Variants in AGPAT1 observed in about 807,000 individuals in gnomAD.
AGPAT1 encodes 1-acyl-sn-glycerol-3-phosphate acyltransferase alpha.
A neutral mutation model predicts 31.2 loss-of-function variants in AGPAT1; 6 were observed. The ratio of observed to expected loss-of-function variants is 0.19; its 90% CI spans 0.11 to 0.38. The LOEUF (loss-of-function observed/expected upper bound fraction) is 0.38. Among genes scored for constraint, AGPAT1 ranks in the 10% least tolerant of loss-of-function variants. The pLI is 1.00. For missense variants in AGPAT1, 187 were observed against 377.8 expected (o/e 0.49, Z 4.19); for synonymous variants, 139 against 154.0 (o/e 0.90, Z 0.72).
rs1216290963 is a variant in AGPAT1 at position 32,171,528 on chromosome 6, C to T, written c.-9-23G>A. ...CACCTGCAGGGGATGGGGCAAGGGACAATCAGCCTGGTTTCTGGAGGAGAG... is the reference window on the plus strand; with the variant it reads ...CACCTGCAGGGGATGGGGCAAGGGATAATCAGCCTGGTTTCTGGAGGAGAG... On this transcript the variant is annotated intron_variant, in intron 1 of 6. Transcript: ENST00000375107. The surrounding 1 kb of genome is among the most constrained non-coding windows in gnomAD (Gnocchi z 6.9). 2 of 1,548,210 alleles carry T rather than the reference C, an allele frequency of 1.3e-6. No individual in the cohort carries two copies. The highest frequency in any genetic ancestry group is 1.9e-5 in the Admixed American group (1 of 51,286).
At position 32,174,244 on chromosome 6, in the gene AGPAT1, T is replaced by C. The variant is rs906381951; in HGVS notation, c.-10+1570A>G. Among the ~76,000 whole-genome samples, 5 of 152,156 alleles carry C rather than the reference T, an allele frequency of 3.3e-5. No homozygotes were observed. The highest frequency in any genetic ancestry group is 6.5e-5 in the Admixed American group (1 of 15,268). On this transcript the variant is annotated intron_variant, in intron 1 of 6. Transcript: ENST00000375107. This position sits in a 1 kb window ranked among gnomAD's most constrained non-coding sequence, Gnocchi z 4.5. The stretch of plus-strand genomic sequence containing the variant: ...GATTCTAAGGCTGTATACCCACCCA[T>C]AGAGCCACAGTTAATGACAGAGATG...
chr6:32,176,089 C>T (rs1490816059), upstream of AGPAT1: 1 of 985,380 alleles, frequency 1.0e-6, no homozygotes, highest in Non-Finnish European at 1.2e-6. Flanking sequence ...GCCGCTATTC[C>T]CCCGCCACCC....
chr6:32,169,108 A>G lies in AGPAT1; in HGVS notation c.*168T>C. On this transcript the variant is annotated 3_prime_UTR_variant, in exon 7 of 7. Transcript: ENST00000375107. This position sits in a 1 kb window ranked among gnomAD's most constrained non-coding sequence, Gnocchi z 5.9. The stretch of plus-strand genomic sequence containing the variant: ...ATGGATGGGGCCAAGAGGGGGCAGG[A>G]GTGGCGCTGTATCCACATTCACTTC... The G allele has an allele frequency of 1.4e-6, 1 of 720,698 alleles. No homozygotes were observed. Among genetic ancestry groups the G allele is most frequent in the South Asian group, 1.9e-5 (1 of 53,754 alleles). 44.6% of individuals were successfully genotyped at this position (720,698 alleles called of 1,614,324 possible). A position where few individuals can be genotyped will look rare whatever the true frequency, so the allele number is the denominator to read the frequency against.
Position 32,170,991 on chromosome 6 carries a change from G to A in AGPAT1, c.280C>T (p.Pro94Ser), listed in dbSNP as rs1240461196. The change falls in exon 3 of 7, where the codon CCC becomes TCC. Residue 94 changes from proline to serine, a missense_variant. By Grantham distance (74) the Pro-to-Ser change is moderately conservative (BLOSUM62 -1). Around this residue, in one of 3 missense-constraint regions of AGPAT1, gnomAD observed 113 missense variants for 283.1 expected, o/e 0.40. Coordinates refer to ENST00000375107, the MANE Select transcript of AGPAT1 (RefSeq NM_006411.4). The surrounding 1 kb of genome is among the most constrained non-coding windows in gnomAD (Gnocchi z 7.7). The stretch of plus-strand genomic sequence containing the variant: ...GAGACAACAACATAGGGCTGCGAGG[G>A]AGGGAAGTGGTGAGCCCCTCGCACC... ...VEVRGAHHFP[P>S]SQPYVVVSNH... The A allele has an allele frequency of 3.1e-6, 5 of 1,612,734 alleles. No homozygotes were observed. The highest frequency in any genetic ancestry group is 4.2e-6 in the Non-Finnish European group (5 of 1,179,958).
chr6:32,170,189 G>A lies in AGPAT1; in HGVS notation c.582C>T (p.Ala194=). The A allele has an allele frequency of 1.2e-6, 2 of 1,614,160 alleles. No homozygotes were observed. The highest frequency in any genetic ancestry group is 1.1e-5 in the South Asian group (1 of 91,074). The stretch of plus-strand genomic sequence containing the variant: ...CCTGGGCCTGCACTGCAAGATGGAA[G>A]GCGCCACGTTTGAAGGGCAGCATGG... ...NGSMLPFKRG[A]FHLAVQAQVP... is the part of the protein sequence containing the mutation. Residue 194 remains alanine (A), a synonymous_variant, in exon 5 of 7, where the codon GCC becomes GCT. Coordinates refer to ENST00000375107, the MANE Select transcript of AGPAT1 (RefSeq NM_006411.4). This position sits in a 1 kb window ranked among gnomAD's most constrained non-coding sequence, Gnocchi z 7.7.
In AGPAT1 at chr6:32,172,643, C is replaced by T. The variant is rs1445481886; in HGVS notation, c.-9-1138G>A. Among the ~76,000 whole-genome samples, 3 of 152,198 alleles carry T rather than the reference C, an allele frequency of 2.0e-5. No individual in the cohort carries two copies. Among genetic ancestry groups the T allele is most frequent in the Non-Finnish European group, 1.5e-5 (1 of 68,038 alleles). On this transcript the variant is annotated intron_variant, in intron 1 of 6. Transcript: ENST00000375107. The surrounding 1 kb of genome is among the most constrained non-coding windows in gnomAD (Gnocchi z 4.3). ...TAAGCCGCCTGTGTTCCTAACCACT[C>T]CATTACGCTGACACTGGTATGTATT...
At position 32,170,849 on chromosome 6, in the gene AGPAT1, T is replaced by C; in HGVS notation, c.334+88A>G. 1.3e-6 allele frequency: 2 copies of C among 1,511,054 alleles called. No individual in the cohort carries two copies. Among genetic ancestry groups the C allele is most frequent in the South Asian group, 1.2e-5 (1 of 81,970 alleles). 93.6% of individuals were successfully genotyped at this position (1,511,054 alleles called of 1,614,324 possible). On this transcript the variant is annotated intron_variant, in intron 3 of 6. Transcript: ENST00000375107. The surrounding 1 kb of genome is among the most constrained non-coding windows in gnomAD (Gnocchi z 7.7). ...GGGCAATGTCCCAGAGGAAGGGGAA[T>C]TGAGGATCTCTAGGAGAAGATATTC...
rs1053721266 is a variant in AGPAT1 at position 32,169,929 on chromosome 6, G to A, written c.679+37C>T. ...ACAGGGATGTCCTCCCAGCCTCTCC[G>A]GACACACCCTACCCCAGAACTGCTC... On this transcript the variant is annotated intron_variant, in intron 6 of 6. Transcript: ENST00000375107. The surrounding 1 kb of genome is among the most constrained non-coding windows in gnomAD (Gnocchi z 5.9). 6.3e-7 allele frequency: 1 copy of A among 1,578,816 alleles called. No individual in the cohort carries two copies. The highest frequency in any genetic ancestry group is 8.7e-7 in the Non-Finnish European group (1 of 1,150,712).
At chr6:32,176,434 A>T (rs1785564276), upstream of AGPAT1, 1 of 927,194 alleles carries the variant, frequency 1.1e-6, no homozygotes, top group Non-Finnish European at 1.3e-6. Flanking sequence ...TCTGCTGCTT[A>T]TTCCCCCCAA....
Position 32,169,893 on chromosome 6 carries a change from C to A in AGPAT1, c.679+73G>T. 4 of 1,332,932 alleles carry A rather than the reference C, an allele frequency of 3.0e-6. No homozygotes were observed. Among genetic ancestry groups the A allele is most frequent in the Admixed American group, 3.6e-5 (2 of 56,306 alleles). 82.6% of individuals were successfully genotyped at this position (1,332,932 alleles called of 1,614,324 possible). On this transcript the variant is annotated intron_variant, in intron 6 of 6. Coordinates refer to ENST00000375107, the MANE Select transcript of AGPAT1 (RefSeq NM_006411.4). This position sits in a 1 kb window ranked among gnomAD's most constrained non-coding sequence, Gnocchi z 5.9. Reference sequence around the variant, plus strand: ...TCTCATGGCTCTGACACTGAATGATCCCCCTGCCTCACAGGGATGTCCTCC... The same window carrying A: ...TCTCATGGCTCTGACACTGAATGATACCCCTGCCTCACAGGGATGTCCTCC...
rs1426671454 is a variant in AGPAT1 at position 32,170,150 on chromosome 6, A to G, written c.606+15T>C. 1.2e-6 allele frequency: 2 copies of G among 1,613,882 alleles called. No individual in the cohort carries two copies. Among genetic ancestry groups the G allele is most frequent in the African/African-American group, 2.7e-5 (2 of 75,026 alleles). Reference sequence around the variant, plus strand: ...GGGTTGGCAGCTGAGTAGCAGAACGAAGAGCAGTAGTCACCTGGGCCTGCA... The same window carrying G: ...GGGTTGGCAGCTGAGTAGCAGAACGGAGAGCAGTAGTCACCTGGGCCTGCA... On this transcript the variant is annotated intron_variant, in intron 5 of 6. Transcript: ENST00000375107. This position sits in a 1 kb window ranked among gnomAD's most constrained non-coding sequence, Gnocchi z 7.7.
chr6:32,169,084 T>C lies in AGPAT1; in HGVS notation c.*192A>G, dbSNP rs978429344. 3 of 635,964 alleles carry C rather than the reference T, an allele frequency of 4.7e-6. No individual in the cohort carries two copies. The highest frequency in any genetic ancestry group is 2.8e-5 in the East Asian group (1 of 36,262). 39.4% of individuals were successfully genotyped at this position (635,964 alleles called of 1,614,324 possible). A position where few individuals can be genotyped will look rare whatever the true frequency, so the allele number is the denominator to read the frequency against. ...GAGACTGCACCGAGGCAAGAGTCCATGGATGGGGCCAAGAGGGGGCAGGAG... is the reference window on the plus strand; with the variant it reads ...GAGACTGCACCGAGGCAAGAGTCCACGGATGGGGCCAAGAGGGGGCAGGAG... On this transcript the variant is annotated 3_prime_UTR_variant, in exon 7 of 7. Coordinates refer to ENST00000375107, the MANE Select transcript of AGPAT1 (RefSeq NM_006411.4). This position sits in a 1 kb window ranked among gnomAD's most constrained non-coding sequence, Gnocchi z 5.9.
In AGPAT1 at chr6:32,170,736, A is replaced by G. The variant is rs921125131; in HGVS notation, c.335-136T>C. 1 of 1,305,136 alleles carries G rather than the reference A, an allele frequency of 7.7e-7. No individual in the cohort carries two copies. The highest frequency in any genetic ancestry group is 1.4e-5 in the African/African-American group (1 of 69,404). The allele number at this position is 1,305,136 out of a possible 1,614,324, so 80.8% of individuals were successfully genotyped here. A position where few individuals can be genotyped will look rare whatever the true frequency, so the allele number is the denominator to read the frequency against. Reference sequence around the variant, plus strand: ...AGACTAGGCAGGGAGGGGGGCCCCAAGTGAAGGAAAGGGTGACCAAAAGTA... The same window carrying G: ...AGACTAGGCAGGGAGGGGGGCCCCAGGTGAAGGAAAGGGTGACCAAAAGTA... On this transcript the variant is annotated intron_variant, in intron 3 of 6. Coordinates refer to ENST00000375107, the MANE Select transcript of AGPAT1 (RefSeq NM_006411.4). This position sits in a 1 kb window ranked among gnomAD's most constrained non-coding sequence, Gnocchi z 7.7.
In AGPAT1 at chr6:32,175,979, G is replaced by C. The variant is rs1275719873; in HGVS notation, c.-175C>G. Reference sequence around the variant, plus strand: ...GGCCGATGGAGGGGAGGTGGGAGTGGGAGGTTGGGCCCATAGCGGTAGGAA... The same window carrying C: ...GGCCGATGGAGGGGAGGTGGGAGTGCGAGGTTGGGCCCATAGCGGTAGGAA... On this transcript the variant is annotated 5_prime_UTR_variant, in exon 1 of 7. Coordinates refer to ENST00000375107, the MANE Select transcript of AGPAT1 (RefSeq NM_006411.4). The surrounding 1 kb of genome is among the most constrained non-coding windows in gnomAD (Gnocchi z 4.5). 5 of 985,622 alleles carry C rather than the reference G, an allele frequency of 5.1e-6. No homozygotes were observed. The highest frequency in any genetic ancestry group is 6.0e-6 in the Non-Finnish European group (5 of 830,176). 61.1% of individuals were successfully genotyped at this position (985,622 alleles called of 1,614,324 possible).
chr6:32,170,030 A>G lies in AGPAT1; in HGVS notation c.615T>C (p.Ile205=), dbSNP rs143961469. The change falls in exon 6 of 7, where the codon ATT becomes ATC. Residue 205 remains isoleucine, a synonymous_variant. Transcript: ENST00000375107. This position sits in a 1 kb window ranked among gnomAD's most constrained non-coding sequence, Gnocchi z 7.7. ...GGTAGGAGGACATGACTATGGGGAC[A>G]ATGGGAACCTGGGGAAGGGTTAAAG... ...FHLAVQAQVP[I]VPIVMSSYQD... 543 of 1,613,996 alleles carry G rather than the reference A, an allele frequency of 3.4e-4. 4 individuals carry two copies. The South Asian group carries it at 4.7e-3, about 14-fold the overall frequency.
Position 32,169,776 on chromosome 6 carries a change from G to A in AGPAT1, c.679+190C>T. On this transcript the variant is annotated intron_variant, in intron 6 of 6. Transcript: ENST00000375107. The surrounding 1 kb of genome is among the most constrained non-coding windows in gnomAD (Gnocchi z 5.9). ...AGATTAGTAACAGCCTCTCTTGGTGGGACCAAGTGCTACCCATCTGGCAGG... is the reference window on the plus strand; with the variant it reads ...AGATTAGTAACAGCCTCTCTTGGTGAGACCAAGTGCTACCCATCTGGCAGG... 1 of 630,654 alleles carries A rather than the reference G, an allele frequency of 1.6e-6. No homozygotes were observed. Among genetic ancestry groups the A allele is most frequent in the Non-Finnish European group, 2.8e-6 (1 of 358,714 alleles). The allele number at this position is 630,654 out of a possible 1,614,324, so 39.1% of individuals were successfully genotyped here. A position where few individuals can be genotyped will look rare whatever the true frequency, so the allele number is the denominator to read the frequency against.
chr6:32,171,639 A>C lies in AGPAT1; in HGVS notation c.-9-134T>G. On this transcript the variant is annotated intron_variant, in intron 1 of 6. Transcript: ENST00000375107. The surrounding 1 kb of genome is among the most constrained non-coding windows in gnomAD (Gnocchi z 6.9). ...AGACACAAACTGGGGCAGGGGTCTCATTGAAACCTTCCCAGGAAGGCTCTC... is the reference window on the plus strand; with the variant it reads ...AGACACAAACTGGGGCAGGGGTCTCCTTGAAACCTTCCCAGGAAGGCTCTC... 81 of 1,222,602 alleles carry C rather than the reference A, an allele frequency of 6.6e-5. No individual in the cohort carries two copies. The highest frequency in any genetic ancestry group is 8.0e-5 in the Non-Finnish European group (71 of 886,782). 75.7% of individuals were successfully genotyped at this position (1,222,602 alleles called of 1,614,324 possible). A position where few individuals can be genotyped will look rare whatever the true frequency, so the allele number is the denominator to read the frequency against.
rs200331722 is a variant in AGPAT1 at position 32,171,137 on chromosome 6, C to A, written c.201-67G>T. Reference sequence around the variant, plus strand: ...GTCCATCTGCATGCCTCAGCTCCCCCCACCTTACTGTCTTTCTGACCACCT... The same window carrying A: ...GTCCATCTGCATGCCTCAGCTCCCCACACCTTACTGTCTTTCTGACCACCT... On this transcript the variant is annotated intron_variant, in intron 2 of 6. Coordinates refer to ENST00000375107, the MANE Select transcript of AGPAT1 (RefSeq NM_006411.4). This position sits in a 1 kb window ranked among gnomAD's most constrained non-coding sequence, Gnocchi z 6.9. 1 of 1,591,292 alleles carries A rather than the reference C, an allele frequency of 6.3e-7. No individual in the cohort carries two copies. Among genetic ancestry groups the A allele is most frequent in the Non-Finnish European group, 8.6e-7 (1 of 1,166,034 alleles).
chr6:32,171,067 G>A lies in AGPAT1; in HGVS notation c.204C>T (p.Ile68=). 3 of 1,611,092 alleles carry A rather than the reference G, an allele frequency of 1.9e-6. No individual in the cohort carries two copies. The highest frequency in any genetic ancestry group is 2.5e-6 in the Non-Finnish European group (3 of 1,178,568). Residue 68 remains isoleucine, a synonymous_variant, in exon 3 of 7, where the codon ATC becomes ATT. Coordinates refer to ENST00000375107, the MANE Select transcript of AGPAT1 (RefSeq NM_006411.4). This position sits in a 1 kb window ranked among gnomAD's most constrained non-coding sequence, Gnocchi z 6.9. ...TGATGTGGAGCAGCATTAGACGCAA[G>A]ATCCTGTGGGGTCATGGCAAGGGGT... ...VRGRNVENMK[I]LRLMLLHIKY...
Sources: allele counts gnomAD v4.1 joint callset (sites outside exome capture counted in the v4.1 genomes callset), GRCh38; gene constraint gnomAD v4.1.1; regional missense constraint gnomAD v4.1.1; non-coding constraint Gnocchi (gnomAD v3.1); transcripts MANE v1.5; gene names NCBI Gene and HGNC (gene_info 2026-07-23, HGNC 2026-07-21).